Variants in PDE4D observed in about 807,000 individuals in gnomAD.
PDE4D encodes 3',5'-cyclic-AMP phosphodiesterase 4D.
Under a neutral mutation model 87.4 loss-of-function variants are expected in PDE4D, and 24 were observed. The observed-to-expected ratio is 0.27, with a 90% confidence interval of 0.20 to 0.39. The LOEUF (loss-of-function observed/expected upper bound fraction) is 0.39. Among genes scored for constraint, PDE4D ranks in the 10% least tolerant of loss-of-function variants. The pLI is 1.00. For missense variants in PDE4D, 714 were observed against 1,041.0 expected (o/e 0.69, Z 4.32); for synonymous variants, 384 against 383.2 (o/e 1.00, Z -0.02).
chr5:60,079,076 G>A (rs1246403352), intron 2 of PDE4D, among the ~76,000 whole-genome samples: 5 of 151,966 alleles, frequency 3.3e-5, no homozygotes, highest in Non-Finnish European at 5.9e-5. Flanking sequence ...AATAATTGTC[G>A]TTCTGATTGG....
intron 1 of PDE4D, among the ~76,000 whole-genome samples, chr5:59,728,269 A>G (rs1255964308): frequency 1.3e-5 from 2 of 152,148 alleles, no homozygotes; most frequent in African/African-American, 4.8e-5. Context: ...AAAAGGGAAC[A>G]TAGTATAATA....
chr5:59,941,208 C>T (rs1757143391), intron 3 of PDE4D, among the ~76,000 whole-genome samples: 1 of 152,114 alleles, frequency 6.6e-6, no homozygotes, highest in South Asian at 2.1e-4. Flanking sequence ...TTGGGTATGT[C>T]CACAGACAGC....
chr5:60,277,119 A>G (rs1562281214), intron 1 of PDE4D, among the ~76,000 whole-genome samples: 1 of 151,878 alleles, frequency 6.6e-6, no homozygotes, highest in Non-Finnish European at 1.5e-5. Flanking sequence ...AATATTTTAT[A>G]TACATATACA....
chr5:59,814,709 A>G (rs188926442), intron 1 of PDE4D, among the ~76,000 whole-genome samples: 14 of 152,332 alleles, frequency 9.2e-5, no homozygotes, highest in Non-Finnish European at 1.9e-4. Context: ...GGCTTCAGGC[A>G]GGGGCTTAGG....
At chr5:59,635,591 A>G (rs536437397) in intron 1 of PDE4D, among the ~76,000 whole-genome samples, 146 of 152,356 alleles carry the variant, frequency 9.6e-4, no homozygotes, top group African/African-American at 3.4e-3. Flanking sequence ...CAACATATGC[A>G]AATCAATAAA....
At chr5:59,923,587 T>G (rs946344328) in intron 3 of PDE4D, among the ~76,000 whole-genome samples, 5 of 152,334 alleles carry the variant, frequency 3.3e-5, no homozygotes, top group African/African-American at 9.6e-5. Context: ...ATCCAGAGAA[T>G]TCTTCTGGAT....
At chr5:59,109,398 C>T (rs1289038991) in intron 5 of PDE4D, among the ~76,000 whole-genome samples, 1 of 152,180 alleles carries the variant, frequency 6.6e-6, no homozygotes, top group Non-Finnish European at 1.5e-5. Context: ...CTATAAGAAG[C>T]TCTGATAAGG....
intron 1 of PDE4D, among the ~76,000 whole-genome samples, chr5:60,332,500 C>A (rs2149872932): frequency 6.6e-6 from 1 of 152,268 alleles, no homozygotes; most frequent in South Asian, 2.1e-4. Flanking sequence ...TGCATCCATG[C>A]TGCTACAAAG....
In PDE4D at chr5:59,810,873, A is replaced by T. The variant is rs368836585; in HGVS notation, c.455+82295T>A. Reference sequence around the variant, plus strand: ...CAGCTGAAAAATCAAAATAATTTGTATCTTTATTGATCTTGAACAAATGCT... The same window carrying T: ...CAGCTGAAAAATCAAAATAATTTGTTTCTTTATTGATCTTGAACAAATGCT... On this transcript the variant is annotated intron_variant, in intron 1 of 14. Transcript: ENST00000340635. Among the ~76,000 whole-genome samples, 29 of 152,294 alleles carry T rather than the reference A, an allele frequency of 1.9e-4. 2 individuals are homozygous for T. The South Asian group carries it at 6.0e-3, about 32-fold the overall frequency.
chr5:60,208,814 C>T (rs1205374891), intron 1 of PDE4D, among the ~76,000 whole-genome samples: 1 of 151,984 alleles, frequency 6.6e-6, no homozygotes, highest in East Asian at 1.9e-4. Context: ...CTTTGAGAAC[C>T]GTTATCCTAG....
chr5:59,654,894 T>C (rs928706169), intron 1 of PDE4D, among the ~76,000 whole-genome samples: 1 of 152,212 alleles, frequency 6.6e-6, no homozygotes, highest in Non-Finnish European at 1.5e-5. Flanking sequence ...GCATTGATAC[T>C]GAATTCTTTA....
Position 59,734,558 on chromosome 5 carries a change from T to TC in PDE4D, c.455+158609dup, listed in dbSNP as rs1424658948. Among the ~76,000 whole-genome samples the TC allele has an allele frequency of 2.6e-5, 4 of 152,208 alleles. No homozygotes were observed. The South Asian group carries it at 8.3e-4, about 32-fold the overall frequency. On this transcript the variant is annotated intron_variant, in intron 1 of 14. Transcript: ENST00000340635. ...AAAATGTACAAAATAATCTAATATC[T>TC]CATAAACAAAGTAAAGTGGGTTTTT...
intron 1 of PDE4D, among the ~76,000 whole-genome samples, chr5:59,451,825 A>G (rs1799201927): frequency 6.6e-6 from 1 of 152,206 alleles, no homozygotes; most frequent in Non-Finnish European, 1.5e-5. Flanking sequence ...ACAAATGCCC[A>G]TGTCATTCCA....
chr5:59,403,920 A>G lies in PDE4D; in HGVS notation c.456-187952T>C, dbSNP rs1001430679. Among the ~76,000 whole-genome samples the G allele has an allele frequency of 3.3e-5, 5 of 152,192 alleles. 1 individual carries two copies. On this transcript the variant is annotated intron_variant, in intron 1 of 14. Coordinates refer to ENST00000340635, the MANE Select transcript of PDE4D (RefSeq NM_001104631.2). ...GTTGTACTAATTTACATTCCCACCA[A>G]AAGTGTAGGAGTGTTCTCTTTTCTC...
At chr5:59,328,515 T>C (rs1452717388) in intron 1 of PDE4D, among the ~76,000 whole-genome samples, 1 of 152,146 alleles carries the variant, frequency 6.6e-6, no homozygotes, top group East Asian at 1.9e-4. Flanking sequence ...GTGTCACAAG[T>C]GTATGTTGGG....
At chr5:59,170,222 G>A (rs1023164412) in intron 5 of PDE4D, among the ~76,000 whole-genome samples, 4 of 152,054 alleles carry the variant, frequency 2.6e-5, no homozygotes, top group African/African-American at 9.7e-5. Context: ...GTCTCACTGT[G>A]TTTCAGGCTT....
At chr5:59,105,843 C>G (rs1771493936) in intron 5 of PDE4D, among the ~76,000 whole-genome samples, 1 of 152,088 alleles carries the variant, frequency 6.6e-6, no homozygotes. Flanking sequence ...TTTAAGAAGG[C>G]TTGCATTGGT....
Position 60,500,443 on chromosome 5 carries a change from T to C in PDE4D, n.70+21608A>G, listed in dbSNP as rs112425743. Among the ~76,000 whole-genome samples, 898 of 152,360 alleles carry C rather than the reference T, an allele frequency of 5.9e-3. 11 individuals are homozygous for C. The highest frequency in any genetic ancestry group is 0.021 in the African/African-American group (863 of 41,600). ...AATACTACATTAGAGAAATAACTAA[T>C]TCCATAGATTGTCCAAAATGAAAAC... is the stretch of plus-strand genomic sequence containing the variant. On this transcript the variant is annotated intron_variant and non_coding_transcript_variant, in intron 1 of 2. Transcript: ENST00000506510.
chr5:59,490,619 T>A (rs6861969), intron 1 of PDE4D, among the ~76,000 whole-genome samples: 38,009 of 152,186 alleles, frequency 0.25, 5,190 homozygotes, highest in Admixed American at 0.31. Context: ...GTTACATGCC[T>A]CATTTGTCAT....
Sources: allele counts gnomAD v4.1 joint callset (sites outside exome capture counted in the v4.1 genomes callset), GRCh38; gene constraint gnomAD v4.1.1; transcripts MANE v1.5; gene names NCBI Gene and HGNC (gene_info 2026-07-23, HGNC 2026-07-21).